Variants in CFAP61 observed in about 807,000 individuals in gnomAD.
The protein encoded by CFAP61 is cilia- and flagella-associated protein 61.
Under a neutral mutation model 135.6 loss-of-function variants are expected in CFAP61, and 107 were observed. That is an observed-to-expected ratio of 0.79 (90% CI 0.67 to 0.93). The LOEUF is 0.93. Ranked by LOEUF, CFAP61 falls within the 40% of genes least tolerant of loss-of-function variation. CFAP61 has a pLI of 0.00. For synonymous variants in CFAP61, 575 were observed against 578.5 expected (o/e 0.99, Z 0.09); for missense variants, 1,507 against 1,556.2 (o/e 0.97, Z 0.53).
chr20:20,128,126 A>ATCCC (rs2146712760), intron 8 of CFAP61, among the ~76,000 whole-genome samples: 1 of 151,822 alleles, frequency 6.6e-6, no homozygotes, highest in Non-Finnish European at 1.5e-5. Context: ...CTGAGAAAGA[A>ATCCC]AAGGGCTTGG....
intron 17 of CFAP61, among the ~76,000 whole-genome samples, chr20:20,215,585 A>G (rs541419880): frequency 6.6e-6 from 1 of 152,334 alleles, no homozygotes; most frequent in African/African-American, 2.4e-5. Context: ...CTTAAATCCA[A>G]AGTTAAAATA....
intron 25 of CFAP61, among the ~76,000 whole-genome samples, chr20:20,337,534 A>ATGTG: frequency 7.3e-6 from 1 of 137,102 alleles, no homozygotes; most frequent in Non-Finnish European, 1.5e-5. Context: ...GGATGGATAG[A>ATGTG]TGGGTGGGTG....
At chr20:20,243,170 G>A (rs942253101) in intron 18 of CFAP61, among the ~76,000 whole-genome samples, 50 of 152,290 alleles carry the variant, frequency 3.3e-4, no homozygotes, top group African/African-American at 8.9e-4. Flanking sequence ...GAGAGAGCTC[G>A]TGCAGGGAAA....
chr20:20,106,223 T>C (rs1040156088), intron 8 of CFAP61, among the ~76,000 whole-genome samples: 3 of 151,888 alleles, frequency 2.0e-5, no homozygotes, highest in African/African-American at 7.2e-5. Context: ...AGGAAGACTG[T>C]AATCCAGACC....
rs2050682597 is a variant in CFAP61 at position 20,249,036 on chromosome 20, GA to G, written c.2160-2558del. ...TCCTTTGGTTCCTTCTCTGTTTTCG[GA>G]TGAAGCCTAGTGGAGGTATTTCTCT... is the stretch of plus-strand genomic sequence containing the variant. On this transcript the variant is annotated intron_variant, in intron 19 of 26. Transcript: ENST00000245957. Among the ~76,000 whole-genome samples the G allele has an allele frequency of 3.3e-5, 5 of 152,284 alleles. No individual in the cohort carries two copies. In the South Asian group the frequency reaches 1.0e-3, roughly 32 times the overall value.
chr20:20,076,729 A>G (rs1302173707), intron 6 of CFAP61, among the ~76,000 whole-genome samples: 2 of 152,230 alleles, frequency 1.3e-5, no homozygotes, highest in African/African-American at 2.4e-5. Context: ...AAACTTTATA[A>G]AAGTAAGAGC....
intron 17 of CFAP61, among the ~76,000 whole-genome samples, chr20:20,210,810 C>T (rs367835626): frequency 1.1e-4 from 17 of 152,062 alleles, no homozygotes; most frequent in Non-Finnish European, 2.1e-4. Context: ...TGTTACATCC[C>T]GTTAATAAAT....
chr20:20,272,680 G>A (rs952005320), intron 21 of CFAP61, among the ~76,000 whole-genome samples: 2 of 152,142 alleles, frequency 1.3e-5, no homozygotes, highest in Non-Finnish European at 2.9e-5. Flanking sequence ...CCGCCCAGCA[G>A]CTGCTTTCTC....
chr20:20,137,175 C>T (rs2146735295), intron 8 of CFAP61, among the ~76,000 whole-genome samples: 1 of 152,346 alleles, frequency 6.6e-6, no homozygotes, highest in South Asian at 2.1e-4. Context: ...ACCCTTGTGG[C>T]CACCACCACT....
intron 25 of CFAP61, among the ~76,000 whole-genome samples, chr20:20,340,797 C>A (rs1412414483): frequency 2.6e-5 from 4 of 152,170 alleles, no homozygotes; most frequent in Admixed American, 6.5e-5. Flanking sequence ...GATGAACATA[C>A]CACCTAAACA....
chr20:20,353,020 G>A (rs931803639), intron 26 of CFAP61, among the ~76,000 whole-genome samples: 1 of 152,074 alleles, frequency 6.6e-6, no homozygotes, highest in African/African-American at 2.4e-5. Context: ...CTAACTAACA[G>A]GAAACAACTC....
chr20:20,305,316 C>A (rs2056404153), intron 25 of CFAP61, among the ~76,000 whole-genome samples: 1 of 152,258 alleles, frequency 6.6e-6, no homozygotes, highest in Non-Finnish European at 1.5e-5. Flanking sequence ...AAGCAGGATG[C>A]TGCCAGCCCA....
chr20:20,279,226 T>C (rs1363536152), intron 22 of CFAP61, among the ~76,000 whole-genome samples: 1 of 152,062 alleles, frequency 6.6e-6, no homozygotes, highest in Non-Finnish European at 1.5e-5. Context: ...GCAAATTAAA[T>C]TGACCCTTGA....
intron 25 of CFAP61, among the ~76,000 whole-genome samples, chr20:20,305,328 G>C (rs537200902): frequency 2.0e-5 from 3 of 152,196 alleles, no homozygotes; most frequent in African/African-American, 7.2e-5. Flanking sequence ...GCCAGCCCAC[G>C]TGGCCCCCTA....
intron 16 of CFAP61, among the ~76,000 whole-genome samples, chr20:20,197,502 T>C (rs2056371453): frequency 6.6e-6 from 1 of 152,100 alleles, no homozygotes; most frequent in Non-Finnish European, 1.5e-5. Flanking sequence ...TTCAAAGCTG[T>C]ATCCCCATTG....
intron 8 of CFAP61, among the ~76,000 whole-genome samples, chr20:20,108,500 A>G (rs373806374): frequency 6.6e-5 from 10 of 151,958 alleles, no homozygotes; most frequent in South Asian, 2.1e-4. Flanking sequence ...AGTGAGGGGA[A>G]ATGGTTCAGA....
intron 21 of CFAP61, chr20:20,265,725 G>A (rs1244214608): frequency 6.2e-6 from 3 of 484,740 alleles, no homozygotes; most frequent in Non-Finnish European, 1.1e-5. Context: ...GGAGCCTTCA[G>A]GGAAACCTGA....
In CFAP61 at chr20:20,277,284, C is replaced by T. The variant is rs749783220; in HGVS notation, c.2622C>T (p.Ile874=). ...HLVQPPPAST[I]TCINNYSVES... ...TGCAGCCCCCGCCCGCCTCCACCAT[C>T]ACCTGCATCAACAACTACTCGGTGG... The change falls in exon 22 of 27, where the codon ATC becomes ATT. Residue 874 remains isoleucine, a synonymous_variant. Transcript: ENST00000245957. 19 of 1,614,072 alleles carry T rather than the reference C, an allele frequency of 1.2e-5. No homozygotes were observed. Among genetic ancestry groups the T allele is most frequent in the Non-Finnish European group, 1.6e-5 (19 of 1,180,042 alleles).
At chr20:20,230,422 T>C (rs1318195541) in intron 18 of CFAP61, among the ~76,000 whole-genome samples, 4 of 152,250 alleles carry the variant, frequency 2.6e-5, no homozygotes, top group Non-Finnish European at 5.9e-5. Flanking sequence ...CATTTGAACT[T>C]AATTTTATAC....
Sources: gnomAD v4.1 joint callset for allele counts (sites outside exome capture counted in the v4.1 genomes callset) on GRCh38, gnomAD v4.1.1 for gene constraint, MANE v1.5 for transcripts, NCBI Gene and HGNC (gene_info 2026-07-23, HGNC 2026-07-21) for gene names.